PALD1: variants seen among roughly 807,000 people sequenced by gnomAD.
PALD1 encodes the protein paladin.
PALD1 carries 57 observed loss-of-function variants against 96.0 expected under a neutral mutation model. The ratio of observed to expected loss-of-function variants is 0.59; its 90% CI spans 0.48 to 0.74. PALD1 has a LOEUF of 0.74. Among genes scored for constraint, PALD1 ranks in the 30% least tolerant of loss-of-function variants. PALD1 has a pLI of 0.00. For missense variants in PALD1, 1,063 were observed against 1,143.7 expected (o/e 0.93, Z 1.02); for synonymous variants, 464 against 473.6 (o/e 0.98, Z 0.26).
At position 70,531,387 on chromosome 10, in the gene PALD1, A is replaced by C. The variant is rs780187026; in HGVS notation, c.566A>C (p.His189Pro). The change falls in exon 5 of 20, where the codon CAT (histidine) becomes CCT (proline). Residue 189 changes from histidine to proline, a missense_variant. Physicochemically the swap from His to Pro is moderately conservative, Grantham distance 77. Coordinates refer to ENST00000263563, the MANE Select transcript of PALD1 (RefSeq NM_014431.3). ...SYTPRDKQNL[H>P]ENLQGLGPGV... The stretch of plus-strand genomic sequence containing the variant: ...ACACCTCGAGACAAGCAGAACCTTC[A>C]TGAGAACCTCCAGGGCCTTGGACCC... The C allele has an allele frequency of 5.6e-6, 9 of 1,613,968 alleles. 1 individual carries two copies. The highest frequency in any genetic ancestry group is 2.2e-5 in the South Asian group (2 of 91,084).
intron 18 of PALD1, among the ~76,000 whole-genome samples, chr10:70,562,278 G>A (rs566497240): frequency 6.8e-4 from 104 of 152,306 alleles, no homozygotes; most frequent in Admixed American, 3.1e-3. Context: ...CATCTCCAGG[G>A]CCCCAGAGCT....
At chr10:70,469,262 G>A in the PALD1 span, among the ~76,000 whole-genome samples, 3 of 152,184 alleles carry the variant, frequency 2.0e-5, no homozygotes, top group African/African-American at 7.2e-5. Context: ...CCCTCCGAGG[G>A]GGCTTTCCCA....
chr10:70,464,923 C>T, the PALD1 span, among the ~76,000 whole-genome samples: 7 of 150,890 alleles, frequency 4.6e-5, no homozygotes, highest in Admixed American at 6.6e-5. Flanking sequence ...CCGCCATGCC[C>T]GGCCTCTATG....
At chr10:70,510,835 G>A (rs372914147) in intron 1 of PALD1, among the ~76,000 whole-genome samples, 7 of 152,280 alleles carry the variant, frequency 4.6e-5, no homozygotes, top group African/African-American at 7.2e-5. Flanking sequence ...TGGGACTTTC[G>A]AAATCTCTGC....
chr10:70,527,603 A>T (rs1229977740), intron 2 of PALD1, among the ~76,000 whole-genome samples: 1 of 152,186 alleles, frequency 6.6e-6, no homozygotes, highest in Non-Finnish European at 1.5e-5. Flanking sequence ...CCTTTCCAGA[A>T]AAGGAATGGC....
chr10:70,489,860 T>C (rs1041910378), intron 1 of PALD1, among the ~76,000 whole-genome samples: 2 of 152,190 alleles, frequency 1.3e-5, no homozygotes, highest in African/African-American at 4.8e-5. Context: ...ATAGATTTGC[T>C]AATTCTAGAC....
chr10:70,545,506 G>A (rs1293358534), intron 17 of PALD1, among the ~76,000 whole-genome samples: 1 of 152,068 alleles, frequency 6.6e-6, no homozygotes, highest in Non-Finnish European at 1.5e-5. Context: ...AGCACAGGGT[G>A]GCTGGGAGGG....
intron 1 of PALD1, among the ~76,000 whole-genome samples, chr10:70,498,013 A>G (rs1846225658): frequency 6.6e-6 from 1 of 152,126 alleles, no homozygotes. Context: ...ACCCATCACC[A>G]CCATCCAGCC....
intron 1 of PALD1, among the ~76,000 whole-genome samples, chr10:70,485,171 A>ACT (rs1564681019): frequency 1.7e-3 from 29 of 16,840 alleles, no homozygotes; most frequent in African/African-American, 2.8e-3. Context: ...ATTAAAGTTA[A>ACT]ATTTTTTTTT....
the PALD1 span, among the ~76,000 whole-genome samples, chr10:70,472,502 C>G: frequency 3.1e-4 from 47 of 152,234 alleles, no homozygotes; most frequent in African/African-American, 1.1e-3. Context: ...CTCAGGTGAT[C>G]TGCCCGCCTC....
At chr10:70,560,136 G>A (rs1847707006) in intron 18 of PALD1, among the ~76,000 whole-genome samples, 1 of 152,246 alleles carries the variant, frequency 6.6e-6, no homozygotes, top group African/African-American at 2.4e-5. Flanking sequence ...GGTTCAGCCT[G>A]AGGGCAGAGG....
At chr10:70,555,458 T>C (rs10823569) in intron 18 of PALD1, among the ~76,000 whole-genome samples, 80,629 of 152,030 alleles carry the variant, frequency 0.53, 22,279 homozygotes, top group Middle Eastern at 0.7. Context: ...ATCCCTTTTC[T>C]GCCGCTGTGG....
chr10:70,564,433 TA>T lies in PALD1; in HGVS notation c.2333del (p.Tyr778LeufsTer4). On this transcript the variant is annotated frameshift_variant, in exon 19 of 20. Coordinates refer to ENST00000263563, the MANE Select transcript of PALD1 (RefSeq NM_014431.3). LOFTEE classifies it high-confidence loss of function. ...GCGGAGCCTGCAGTACTTGGAGCGC[TA>T]TGTCTGCCTGATTCTCTTCAACGCG... ...QLRSLQYLER[Y>X]VCLILFNAYL... 6.2e-7 allele frequency: 1 copy of T among 1,614,130 alleles called. No individual in the cohort carries two copies. Among genetic ancestry groups the T allele is most frequent in the Non-Finnish European group, 8.5e-7 (1 of 1,179,968 alleles).
At chr10:70,484,887 A>G (rs534836893) in intron 1 of PALD1, among the ~76,000 whole-genome samples, 1 of 152,388 alleles carries the variant, frequency 6.6e-6, no homozygotes, top group South Asian at 2.1e-4. Context: ...AAAGTTATCA[A>G]CCTTCAGAAA....
rs894422437 is a variant in PALD1, at chr10:70,547,567, G to A, written c.2262+121G>A. The A allele has an allele frequency of 3.2e-5, 21 of 651,452 alleles. 1 individual carries two copies. Among genetic ancestry groups the A allele is most frequent in the Non-Finnish European group, 4.7e-5 (18 of 386,638 alleles). 40.4% of individuals were successfully genotyped at this position (651,452 alleles called of 1,614,324 possible). On this transcript the variant is annotated intron_variant, in intron 18 of 19. Coordinates refer to ENST00000263563, the MANE Select transcript of PALD1 (RefSeq NM_014431.3). ...GGTCCTAGGGGCCCCTCCTTGGCTCGTGGTCACTTTTCCACCTTCTGGAAG... is the reference window on the plus strand; with the variant it reads ...GGTCCTAGGGGCCCCTCCTTGGCTCATGGTCACTTTTCCACCTTCTGGAAG...
chr10:70,513,986 C>T (rs553201554), intron 1 of PALD1, among the ~76,000 whole-genome samples: 10 of 152,300 alleles, frequency 6.6e-5, no homozygotes, highest in African/African-American at 2.2e-4. Flanking sequence ...AGGGAGGCTT[C>T]CCCCTGCTCT....
chr10:70,504,094 GA>G (rs1182438636), intron 1 of PALD1, among the ~76,000 whole-genome samples: 1 of 152,234 alleles, frequency 6.6e-6, no homozygotes, highest in African/African-American at 2.4e-5. Context: ...CAAGGGTTAT[GA>G]AGGTGAAATC....
At chr10:70,560,669 G>A (rs145165726) in intron 18 of PALD1, among the ~76,000 whole-genome samples, 13 of 151,938 alleles carry the variant, frequency 8.6e-5, no homozygotes, top group Non-Finnish European at 1.3e-4. Context: ...CTGGTGGCCC[G>A]GCAAAGAGCA....
chr10:70,531,251 T>C, intron 4 of PALD1, 39 bp from the exon 5 acceptor site: 1 of 1,585,660 alleles, frequency 6.3e-7, no homozygotes, highest in South Asian at 1.1e-5. Context: ...CTGTGCGGGA[T>C]CATGATGATG....
Sources: allele counts gnomAD v4.1 joint callset (sites outside exome capture counted in the v4.1 genomes callset), GRCh38; gene constraint gnomAD v4.1.1; transcripts MANE v1.5; gene names NCBI Gene and HGNC (gene_info 2026-07-23, HGNC 2026-07-21).